Variants in TNFAIP8L3 observed in about 807,000 individuals in gnomAD.
TNFAIP8L3 encodes tumor necrosis factor alpha-induced protein 8-like protein 3.
A neutral mutation model predicts 11.8 loss-of-function variants in TNFAIP8L3; 7 were observed. The observed-to-expected ratio is 0.59, with a 90% confidence interval of 0.34 to 1.11. The LOEUF (loss-of-function observed/expected upper bound fraction) is 1.11, where lower values mean the gene tolerates loss of function less well. Among genes scored for constraint, TNFAIP8L3 ranks in the 50% most tolerant of loss-of-function variants. The pLI is 0.03. For synonymous variants in TNFAIP8L3, 98 were observed against 103.8 expected, an observed-to-expected ratio of 0.94 and a Z score of 0.34; for missense variants, 219 against 258.6, an observed-to-expected ratio of 0.85 and a Z score of 1.05.
chr15:51,092,019 T>C (rs1026583273), intron 1 of TNFAIP8L3, among the ~76,000 whole-genome samples: 1 of 152,154 alleles, frequency 6.6e-6, no homozygotes, highest in African/African-American at 2.4e-5. Flanking sequence ...TTTTACAGAG[T>C]GGGAAACTGA....
intron 1 of TNFAIP8L3, among the ~76,000 whole-genome samples, chr15:51,079,564 C>T (rs1017851621): frequency 1.3e-5 from 2 of 152,172 alleles, no homozygotes; most frequent in African/African-American, 4.8e-5. Flanking sequence ...GGCATGTCCT[C>T]CAACCAGGGG....
chr15:51,058,018 GC>G lies in TNFAIP8L3; in HGVS notation c.477del (p.Arg160AlafsTer40), dbSNP rs763171218. 1.5e-5 allele frequency: 24 copies of G among 1,614,066 alleles called. No homozygotes were observed. Among genetic ancestry groups the G allele is most frequent in the Non-Finnish European group, 2.0e-5 (24 of 1,180,042 alleles). Reference sequence around the variant, plus strand: ...AAGTGGTTAAAGACGTGGTTGATGCGCCCGTGGGTCCTGGGCGTCAGGTGCC... The same window carrying G: ...AAGTGGTTAAAGACGTGGTTGATGCGCCGTGGGTCCTGGGCGTCAGGTGCC... The part of the protein sequence containing the change: ...VQRHLTPRTH[G>X]RINHVFNHFA... On this transcript the variant is annotated frameshift_variant, in exon 2 of 2. Transcript: ENST00000637513. LOFTEE classifies it high-confidence loss of function.
intron 1 of TNFAIP8L3, among the ~76,000 whole-genome samples, chr15:51,093,902 C>T (rs1757067298): frequency 6.6e-6 from 1 of 152,166 alleles, no homozygotes; most frequent in Admixed American, 6.5e-5. Context: ...TGTGAAAAGC[C>T]GGCGGGGCCT....
chr15:51,073,465 T>G (rs2065326867), intron 1 of TNFAIP8L3, among the ~76,000 whole-genome samples: 1 of 152,232 alleles, frequency 6.6e-6, no homozygotes, highest in African/African-American at 2.4e-5. Flanking sequence ...TTTTGGTTGC[T>G]GCTGTTAATT....
intron 1 of TNFAIP8L3, among the ~76,000 whole-genome samples, chr15:51,100,502 A>G (rs2065542875): frequency 6.6e-6 from 1 of 152,224 alleles, no homozygotes; most frequent in Non-Finnish European, 1.5e-5. Context: ...AGACAAAATC[A>G]TATGGGAAAG....
chr15:51,102,322 G>C (rs1455925161), intron 1 of TNFAIP8L3, among the ~76,000 whole-genome samples: 2 of 152,206 alleles, frequency 1.3e-5, no homozygotes, highest in Non-Finnish European at 2.9e-5. Context: ...CTATGGAAGG[G>C]AAAATTGAGT....
intron 1 of TNFAIP8L3, among the ~76,000 whole-genome samples, chr15:51,089,100 C>T (rs778079835): frequency 6.6e-6 from 1 of 152,184 alleles, no homozygotes; most frequent in Non-Finnish European, 1.5e-5. Flanking sequence ...TTCCCTTCCC[C>T]CTTTTTTCCC....
Position 51,075,557 on chromosome 15 carries a change from G to A in TNFAIP8L3, c.53-17114C>T, listed in dbSNP as rs868712540. On this transcript the variant is annotated intron_variant, in intron 1 of 1. Transcript: ENST00000637513. ...GCAGCTCCCAAACTTTCTCTACCAC[G>A]GCAGGCACCCAAGAACTCAGGCTCA... 6.6e-5 allele frequency among the ~76,000 whole-genome samples: 10 copies of A among 152,136 alleles called. No individual in the cohort carries two copies. In the South Asian group the frequency reaches 1.7e-3, roughly 25 times the overall value.
intron 1 of TNFAIP8L3, among the ~76,000 whole-genome samples, chr15:51,061,337 GA>G (rs941192216): frequency 1.3e-5 from 2 of 151,988 alleles, no homozygotes; most frequent in Non-Finnish European, 2.9e-5. Context: ...GTACCTCCTT[GA>G]ATATTTTAAA....
chr15:51,083,287 T>A, intron 1 of TNFAIP8L3, among the ~76,000 whole-genome samples: 1 of 152,202 alleles, frequency 6.6e-6, no homozygotes. Context: ...TAATAAATTT[T>A]TTTGGAACGA....
At chr15:51,058,571 G>A (rs1300786142) in intron 1 of TNFAIP8L3, 128 bp from the exon 2 acceptor site, 6 of 848,384 alleles carry the variant, frequency 7.1e-6, no homozygotes, top group Middle Eastern at 3.6e-4. Flanking sequence ...ATATTCCCTC[G>A]CTCCCTAACT....
chr15:51,076,104 T>C (rs1254974266), intron 1 of TNFAIP8L3, among the ~76,000 whole-genome samples: 3 of 152,234 alleles, frequency 2.0e-5, no homozygotes, highest in African/African-American at 7.2e-5. Context: ...AAGGGACATG[T>C]AATATATTGC....
At chr15:51,062,730 G>A (rs2065248761) in intron 1 of TNFAIP8L3, among the ~76,000 whole-genome samples, 1 of 152,172 alleles carries the variant, frequency 6.6e-6, no homozygotes, top group South Asian at 2.1e-4. Flanking sequence ...CTTATTTTCT[G>A]TGAGATTTTA....
rs2065500243 is a variant in TNFAIP8L3 at position 51,094,812 on chromosome 15, C to G, written c.-217G>C. 2.2e-5 allele frequency: 14 copies of G among 628,852 alleles called. No homozygotes were observed. Among genetic ancestry groups the G allele is most frequent in the Non-Finnish European group, 2.6e-5 (13 of 506,398 alleles). 39.0% of individuals were successfully genotyped at this position (628,852 alleles called of 1,614,324 possible). A position where few individuals can be genotyped will look rare whatever the true frequency, so the allele number is the denominator to read the frequency against. On this transcript the variant is annotated 5_prime_UTR_variant, in exon 1 of 2. Coordinates refer to ENST00000637513, the MANE Select transcript of TNFAIP8L3 (RefSeq NM_001311175.2). The surrounding 1 kb of genome is among the most constrained non-coding windows in gnomAD (Gnocchi z 4.4). ...CCGCGCCCGCCGGCCGGTGCCTGCG[C>G]GCGAGGCGAGCGCAGGGCGGAGGGT...
intron 1 of TNFAIP8L3, among the ~76,000 whole-genome samples, chr15:51,090,049 C>T (rs2065456639): frequency 6.6e-6 from 1 of 152,310 alleles, no homozygotes. Flanking sequence ...AAAACTAATG[C>T]ACCTGAGAAA....
chr15:51,068,663 T>G (rs1414146672), intron 1 of TNFAIP8L3, among the ~76,000 whole-genome samples: 5 of 28,106 alleles, frequency 1.8e-4, no homozygotes, highest in Non-Finnish European at 4.7e-4. Context: ...CCCTCCTGTT[T>G]TTTTTTTTTT....
At chr15:51,090,393 A>G (rs1389093370) in intron 1 of TNFAIP8L3, among the ~76,000 whole-genome samples, 1 of 152,068 alleles carries the variant, frequency 6.6e-6, no homozygotes, top group Non-Finnish European at 1.5e-5. Context: ...GCATCTCTCC[A>G]TCTCTGCCAG....
chr15:51,061,485 G>A (rs1262866031), intron 1 of TNFAIP8L3, among the ~76,000 whole-genome samples: 1 of 152,130 alleles, frequency 6.6e-6, no homozygotes, highest in Non-Finnish European at 1.5e-5. Flanking sequence ...CGTAAGTACC[G>A]TTGTTATATA....
At chr15:51,080,832 G>A (rs1380671538) in intron 1 of TNFAIP8L3, among the ~76,000 whole-genome samples, 4 of 152,252 alleles carry the variant, frequency 2.6e-5, no homozygotes, top group African/African-American at 4.8e-5. Context: ...ATCTCAGGAA[G>A]AGGACATGAT....
Sources: gnomAD v4.1 joint callset for allele counts (sites outside exome capture counted in the v4.1 genomes callset) on GRCh38, gnomAD v4.1.1 for gene constraint, Gnocchi (gnomAD v3.1) non-coding constraint, MANE v1.5 for transcripts, NCBI Gene and HGNC (gene_info 2026-07-23, HGNC 2026-07-21) for gene names.